TOP6BL: variants seen among roughly 807,000 people sequenced by gnomAD.
The protein encoded by TOP6BL is type 2 DNA topoisomerase 6 subunit B-like.
At chr11:66,776,745 T>C in the TOP6BL span, among the ~76,000 whole-genome samples, 2 of 152,138 alleles carry the variant, frequency 1.3e-5, no homozygotes, top group Admixed American at 6.5e-5. Flanking sequence ...ATGAGTGCTG[T>C]ATTTCCTGAA....
the TOP6BL span, among the ~76,000 whole-genome samples, chr11:66,777,788 C>T: frequency 6.6e-6 from 1 of 152,022 alleles, no homozygotes; most frequent in African/African-American, 2.4e-5. Flanking sequence ...AAGGGAATCA[C>T]TTGAATCCGG....
At chr11:66,796,135 A>G in the TOP6BL span, 24 of 609,872 alleles carry the variant, frequency 3.9e-5, no homozygotes, top group African/African-American at 3.0e-4. Context: ...TTTGCATACA[A>G]TTCTCATTCC....
At chr11:66,748,558 A>C in the TOP6BL span, 1 of 1,458,260 alleles carries the variant, frequency 6.9e-7, no homozygotes, top group Non-Finnish European at 9.3e-7. Context: ...CTCTTTTGTC[A>C]TGGTTTATGT....
chr11:66,783,796 A>G, the TOP6BL span, among the ~76,000 whole-genome samples: 22 of 152,136 alleles, frequency 1.4e-4, no homozygotes, highest in East Asian at 4.1e-3. Flanking sequence ...TAAAGTATAC[A>G]ATTTGGTGGT....
the TOP6BL span, among the ~76,000 whole-genome samples, chr11:66,821,374 G>A: frequency 3.4e-5 from 5 of 148,564 alleles, no homozygotes; most frequent in African/African-American, 1.0e-4. Context: ...TGCAAGCTCC[G>A]CCTCCCGGGT....
At chr11:66,822,386 T>C in the TOP6BL span, among the ~76,000 whole-genome samples, 1 of 152,244 alleles carries the variant, frequency 6.6e-6, no homozygotes, top group African/African-American at 2.4e-5. Context: ...TTTAAAATTT[T>C]ATTTTAATTC....
At chr11:66,773,724 CATTTT>C in the TOP6BL span, among the ~76,000 whole-genome samples, 1 of 152,006 alleles carries the variant, frequency 6.6e-6, no homozygotes, top group African/African-American at 2.4e-5. Context: ...GTCATAATGA[CATTTT>C]ATGTAATTTC....
the TOP6BL span, among the ~76,000 whole-genome samples, chr11:66,761,109 C>T: frequency 1.1e-4 from 16 of 151,750 alleles, no homozygotes; most frequent in South Asian, 6.2e-4. Flanking sequence ...CGGTGGCTCA[C>T]GCCTGTAATC....
chr11:66,796,358 C>T, the TOP6BL span: 4 of 1,605,758 alleles, frequency 2.5e-6, no homozygotes, highest in South Asian at 2.2e-5. Flanking sequence ...TCATGGTGCA[C>T]CCTAAGGTAA....
the TOP6BL span, among the ~76,000 whole-genome samples, chr11:66,822,950 G>A: frequency 6.6e-6 from 1 of 150,542 alleles, no homozygotes; most frequent in South Asian, 2.1e-4. Flanking sequence ...GCTGAGCCGT[G>A]ATCATGCCAC....
chr11:66,753,795 C>G, the TOP6BL span, among the ~76,000 whole-genome samples: 2 of 152,040 alleles, frequency 1.3e-5, no homozygotes, highest in Admixed American at 1.3e-4. Flanking sequence ...ACCTCCACCT[C>G]CCAGGTTCAA....
chr11:66,765,143 G>C, the TOP6BL span, among the ~76,000 whole-genome samples: 1 of 152,134 alleles, frequency 6.6e-6, no homozygotes, highest in East Asian at 1.9e-4. Flanking sequence ...GTGAAAAGCC[G>C]TGTAACTACA....
At chr11:66,834,642 G>T in the TOP6BL span, among the ~76,000 whole-genome samples, 1 of 152,142 alleles carries the variant, frequency 6.6e-6, no homozygotes, top group Non-Finnish European at 1.5e-5. Context: ...TTCAGGGAAA[G>T]GTCATGCAGG....
At chr11:66,811,737 C>T in the TOP6BL span, among the ~76,000 whole-genome samples, 8 of 152,088 alleles carry the variant, frequency 5.3e-5, no homozygotes, top group African/African-American at 1.9e-4. Context: ...TGGTTTAATG[C>T]AACAGTTATA....
chr11:66,744,824 GC>G, the TOP6BL span: 1 of 1,293,768 alleles, frequency 7.7e-7, no homozygotes, highest in Non-Finnish European at 9.9e-7. Flanking sequence ...GGAGGGGGCG[GC>G]GGCGGCGGCG....
the TOP6BL span, among the ~76,000 whole-genome samples, chr11:66,802,500 G>A: frequency 6.6e-6 from 1 of 151,972 alleles, no homozygotes; most frequent in Non-Finnish European, 1.5e-5. Context: ...AGATGAGGTT[G>A]TTGCCTAGGC....
chr11:66,770,034 C>CACG, the TOP6BL span, among the ~76,000 whole-genome samples: 1 of 152,124 alleles, frequency 6.6e-6, no homozygotes, highest in East Asian at 1.9e-4. Flanking sequence ...CGTGAGCCAC[C>CACG]ACGGCTGGCC....
At chr11:66,816,885 G>A in the TOP6BL span, among the ~76,000 whole-genome samples, 2 of 152,126 alleles carry the variant, frequency 1.3e-5, no homozygotes, top group South Asian at 4.1e-4. Flanking sequence ...TGGGTGCGGT[G>A]GCTCATGCCT....
chr11:66,828,003 GA>G, the TOP6BL span, among the ~76,000 whole-genome samples: 127 of 149,416 alleles, frequency 8.5e-4, no homozygotes, highest in South Asian at 3.6e-3. Flanking sequence ...AGAGAGATGG[GA>G]AAACAAAGAC....
Sources: allele counts gnomAD v4.1 joint callset (sites outside exome capture counted in the v4.1 genomes callset), GRCh38; gene constraint gnomAD v4.1.1; transcripts MANE v1.5; gene names NCBI Gene and HGNC (gene_info 2026-07-23, HGNC 2026-07-21).